Variants in SND1 observed in about 807,000 individuals in gnomAD.
SND1 encodes staphylococcal nuclease domain-containing protein 1.
Under a neutral mutation model 121.7 loss-of-function variants are expected in SND1, and 38 were observed. The ratio of observed to expected loss-of-function variants is 0.31; its 90% CI spans 0.24 to 0.41. The LOEUF (loss-of-function observed/expected upper bound fraction) is 0.41, where lower values mean the gene tolerates loss of function less well. Ranked by LOEUF, SND1 falls within the 10% of genes least tolerant of loss-of-function variation. The pLI is 1.00. For missense variants in SND1, 868 were observed against 1,184.6 expected, an observed-to-expected ratio of 0.73 and a Z score of 3.92; for synonymous variants, 401 against 447.4, an observed-to-expected ratio of 0.90 and a Z score of 1.31.
intron 11 of SND1, 46 bp from the exon 12 acceptor site, chr7:127,844,278 A>G (rs1204556284): frequency 6.7e-6 from 10 of 1,491,810 alleles, no homozygotes; most frequent in African/African-American, 4.1e-5. Flanking sequence ...CTAGTGAGCT[A>G]TGTTGCAGAC....
chr7:127,783,066 A>C (rs1455231167), intron 10 of SND1, among the ~76,000 whole-genome samples: 3 of 152,220 alleles, frequency 2.0e-5, no homozygotes, highest in African/African-American at 7.2e-5. Flanking sequence ...TTGGGGACAG[A>C]TATCAATTCT....
Position 128,051,338 on chromosome 7 carries a change from G to A in SND1, c.1780-23164G>A, listed in dbSNP as rs77888543. ...CAATATCTCCTGTAAGTATGAGAGA[G>A]AGAGAGATGGGCTGCAGCTTCCAAT... On this transcript the variant is annotated intron_variant, in intron 16 of 23. Transcript: ENST00000354725. Among the ~76,000 whole-genome samples the A allele has an allele frequency of 3.0e-4, 45 of 152,294 alleles. 1 individual carries two copies. The East Asian group carries it at 8.3e-3, about 28-fold the overall frequency.
intron 16 of SND1, chr7:128,028,727 A>G (rs746521665): frequency 2.7e-5 from 44 of 1,613,986 alleles, no homozygotes; most frequent in Non-Finnish European, 3.5e-5. Flanking sequence ...TCTGAATTAT[A>G]TAAGGTTCAG....
At chr7:128,080,820 C>T (rs1355352091) in intron 17 of SND1, among the ~76,000 whole-genome samples, 1 of 151,992 alleles carries the variant, frequency 6.6e-6, no homozygotes, top group Non-Finnish European at 1.5e-5. Flanking sequence ...AATAAATTCC[C>T]TTGTTGGTTC....
intron 1 of SND1, among the ~76,000 whole-genome samples, chr7:127,683,996 T>G (rs1795771887): frequency 6.6e-6 from 1 of 152,172 alleles, no homozygotes; most frequent in Non-Finnish European, 1.5e-5. Flanking sequence ...GCCAAAGCCA[T>G]TAATGGGGCC....
At chr7:128,038,797 C>A (rs1792798609) in intron 16 of SND1, among the ~76,000 whole-genome samples, 2 of 152,116 alleles carry the variant, frequency 1.3e-5, no homozygotes, top group Admixed American at 1.3e-4. Context: ...TCTTACATAA[C>A]CACAGAACAT....
In SND1 at chr7:127,774,348, T is replaced by C. The variant is rs991867344; in HGVS notation, c.1153-33136T>C. ...GAAAGTTTATAAAGTAAAAAAGTTA[T>C]AGTAAGCCAAGATTAATCTATTATT... On this transcript the variant is annotated intron_variant, in intron 10 of 23. Coordinates refer to ENST00000354725, the MANE Select transcript of SND1 (RefSeq NM_014390.4). 1.6e-4 allele frequency among the ~76,000 whole-genome samples: 24 copies of C among 152,202 alleles called. No individual in the cohort carries two copies. In the East Asian group the frequency reaches 3.8e-3, roughly 24 times the overall value.
At chr7:127,701,729 G>A (rs1047649766) in intron 5 of SND1, among the ~76,000 whole-genome samples, 3 of 152,096 alleles carry the variant, frequency 2.0e-5, no homozygotes, top group Non-Finnish European at 2.9e-5. Flanking sequence ...TCTTCCTCCC[G>A]GGAATACCAG....
At chr7:127,985,198 G>A (rs897679114) in intron 15 of SND1, among the ~76,000 whole-genome samples, 5 of 152,192 alleles carry the variant, frequency 3.3e-5, no homozygotes, top group Admixed American at 6.5e-5. Context: ...ATAGCTGCCC[G>A]AGGCTGTCTC....
intron 9 of SND1, among the ~76,000 whole-genome samples, chr7:127,716,020 T>G (rs544151431): frequency 2.0e-5 from 3 of 152,342 alleles, no homozygotes; most frequent in South Asian, 2.1e-4. Flanking sequence ...ATCATTTGAC[T>G]GTATATGCAA....
chr7:127,812,991 A>G lies in SND1; in HGVS notation c.1242+5418A>G, dbSNP rs1206494695. Among the ~76,000 whole-genome samples the G allele has an allele frequency of 2.0e-5, 3 of 152,230 alleles. No homozygotes were observed. In the East Asian group the frequency reaches 5.8e-4, roughly 29 times the overall value. On this transcript the variant is annotated intron_variant, in intron 11 of 23. Transcript: ENST00000354725. ...ATGCTATGGAAAAGTCCTTTACATT[A>G]ATGATCAAAGCAGGCCCTAAGGTTG...
chr7:127,920,845 T>TAAAAA (rs1800687927), intron 14 of SND1, among the ~76,000 whole-genome samples: 1 of 109,722 alleles, frequency 9.1e-6, no homozygotes. Context: ...TTTCTGTGCC[T>TAAAAA]AACTTATCTT....
intron 16 of SND1, among the ~76,000 whole-genome samples, chr7:128,054,073 G>A (rs1271292360): frequency 2.0e-5 from 3 of 152,396 alleles, no homozygotes; most frequent in East Asian, 3.9e-4. Flanking sequence ...CTGTCAGTAA[G>A]TCATCGGCAG....
intron 10 of SND1, among the ~76,000 whole-genome samples, chr7:127,728,003 C>A (rs1587624104): frequency 6.6e-6 from 1 of 152,098 alleles, no homozygotes; most frequent in East Asian, 1.9e-4. Context: ...TACAAGCCTG[C>A]CTCCTTCTGA....
intron 16 of SND1, among the ~76,000 whole-genome samples, chr7:128,069,339 T>C (rs192046862): frequency 2.1e-3 from 326 of 152,270 alleles, no homozygotes; most frequent in Non-Finnish European, 3.5e-3. Context: ...CACTGGCATT[T>C]GTTGAAGGGA....
chr7:127,959,792 A>G (rs986028206), intron 15 of SND1, among the ~76,000 whole-genome samples: 6 of 152,074 alleles, frequency 3.9e-5, no homozygotes, highest in African/African-American at 1.4e-4. Flanking sequence ...GTTCATTGCT[A>G]TGTATATCTC....
intron 16 of SND1, among the ~76,000 whole-genome samples, chr7:128,063,633 T>C (rs1300135308): frequency 6.6e-6 from 1 of 152,252 alleles, no homozygotes; most frequent in Non-Finnish European, 1.5e-5. Flanking sequence ...ATTGAATGCC[T>C]ACCAGGTGCC....
intron 3 of SND1, 139 bp downstream of exon 3, chr7:127,695,087 T>C: frequency 1.0e-6 from 1 of 977,648 alleles, no homozygotes; most frequent in Non-Finnish European, 1.5e-6. Context: ...TGCAAATGCT[T>C]TGGGCCCTGA....
chr7:127,828,073 T>G (rs565664026), intron 11 of SND1, among the ~76,000 whole-genome samples: 1 of 152,304 alleles, frequency 6.6e-6, no homozygotes, highest in South Asian at 2.1e-4. Flanking sequence ...CTCGGCTCAC[T>G]GAAGACTCTG....
Sources: gnomAD v4.1 joint callset for allele counts (sites outside exome capture counted in the v4.1 genomes callset) on GRCh38, gnomAD v4.1.1 for gene constraint, MANE v1.5 for transcripts, NCBI Gene and HGNC (gene_info 2026-07-23, HGNC 2026-07-21) for gene names.